Variants in CEP85L observed in about 807,000 individuals in gnomAD.
CEP85L encodes the protein centrosomal protein 85L, also known as centrosomal protein of 85 kDa-like.
Under a neutral mutation model 100.3 loss-of-function variants are expected in CEP85L, and 60 were observed. The ratio of observed to expected loss-of-function variants is 0.60; its 90% CI spans 0.49 to 0.74. The LOEUF is 0.74. Ranked by LOEUF, CEP85L falls within the 30% of genes least tolerant of loss-of-function variation. The probability of loss-of-function intolerance (pLI) is 0.00; values close to 1 mark genes in which losing one functional copy is unlikely to be tolerated. For synonymous variants in CEP85L, 319 were observed against 322.7 expected, an observed-to-expected ratio of 0.99 and a Z score of 0.12; for missense variants, 973 against 936.2, an observed-to-expected ratio of 1.04 and a Z score of -0.51.
At chr6:118,501,679 G>T (rs570891383) in intron 5 of CEP85L, 4 of 662,896 alleles carry the variant, frequency 6.0e-6, no homozygotes, top group South Asian at 4.4e-5. Context: ...ACTCAGAGAT[G>T]AAAATTTTTA....
intron 5 of CEP85L, among the ~76,000 whole-genome samples, chr6:118,494,578 G>A (rs1329434037): frequency 6.6e-6 from 1 of 151,990 alleles, no homozygotes; most frequent in Non-Finnish European, 1.5e-5. Context: ...CTGCCATCCT[G>A]TCCCGCCTAA....
intron 3 of CEP85L, among the ~76,000 whole-genome samples, chr6:118,557,213 A>G (rs1396165127): frequency 6.6e-6 from 1 of 152,212 alleles, no homozygotes; most frequent in African/African-American, 2.4e-5. Context: ...ATTTAACACT[A>G]TTTTATTTTA....
rs1224243095 is a variant in CEP85L, at chr6:118,462,648, A to G, written c.*2757T>C. ...TAGATTCACTTTAAAATTTAGGTTAATTTTCATTTCAGGAATATATTGGTG... is the reference window on the plus strand; with the variant it reads ...TAGATTCACTTTAAAATTTAGGTTAGTTTTCATTTCAGGAATATATTGGTG... On this transcript the variant is annotated 3_prime_UTR_variant, in exon 13 of 13. Coordinates refer to ENST00000368491, the MANE Select transcript of CEP85L (RefSeq NM_001042475.3). The G allele has an allele frequency of 6.6e-6, 1 of 152,018 alleles. No individual in the cohort carries two copies. The highest frequency in any genetic ancestry group is 1.5e-5 in the Non-Finnish European group (1 of 67,880). The allele number at this position is 152,018 out of a possible 1,614,324, so 9.4% of individuals were successfully genotyped here.
intron 3 of CEP85L, among the ~76,000 whole-genome samples, chr6:118,557,633 T>C (rs1415739338): frequency 6.6e-6 from 1 of 152,052 alleles, no homozygotes; most frequent in Non-Finnish European, 1.5e-5. Context: ...CCAAGGTGGG[T>C]TCCTCCCTCC....
intron 4 of CEP85L, among the ~76,000 whole-genome samples, chr6:118,517,180 G>A (rs1776334471): frequency 6.6e-6 from 1 of 152,196 alleles, no homozygotes; most frequent in Non-Finnish European, 1.5e-5. Context: ...GTAGCGTGAT[G>A]CCTCCAGCTT....
In CEP85L at chr6:118,565,636, G is replaced by C. The variant is rs770700397; in HGVS notation, c.913C>G (p.Arg305Gly). ...RTQMWLTEQL[R>G]TNPLEGRNTE... Reference sequence around the variant, plus strand: ...TTTCTACCTTCCAAAGGATTTGTCCGCAGCTGCTCTGTAAGCCACATCTGA... The same window carrying C: ...TTTCTACCTTCCAAAGGATTTGTCCCCAGCTGCTCTGTAAGCCACATCTGA... Residue 305 changes from arginine (R) to glycine (G), a missense_variant, in exon 3 of 13, where the codon CGG becomes GGG. By Grantham distance (125) the Arg-to-Gly change is moderately radical (BLOSUM62 -2). This residue lies in a region of CEP85L where 890 missense variants were observed against 844.5 expected (regional missense o/e 1.05). Transcript: ENST00000368491. 2 of 1,614,180 alleles carry C rather than the reference G, an allele frequency of 1.2e-6. No homozygotes were observed. Among genetic ancestry groups the C allele is most frequent in the Admixed American group, 1.7e-5 (1 of 60,018 alleles).
intron 4 of CEP85L, among the ~76,000 whole-genome samples, chr6:118,515,390 A>G (rs1254655930): frequency 1.3e-5 from 2 of 152,210 alleles, no homozygotes; most frequent in Admixed American, 6.5e-5. Context: ...GATTTGTACT[A>G]AAAGGAATTT....
intron 5 of CEP85L, among the ~76,000 whole-genome samples, chr6:118,493,803 A>C (rs1774726215): frequency 6.6e-6 from 1 of 152,144 alleles, no homozygotes; most frequent in Non-Finnish European, 1.5e-5. Context: ...ATATAATTAG[A>C]GCCTATGATT....
chr6:118,544,095 G>A (rs527238828), intron 3 of CEP85L, among the ~76,000 whole-genome samples: 1 of 151,806 alleles, frequency 6.6e-6, no homozygotes, highest in East Asian at 1.9e-4. Context: ...CGAATGCGAG[G>A]AGCTCAAAGG....
chr6:118,588,031 C>T (rs1780968685), intron 2 of CEP85L, among the ~76,000 whole-genome samples: 1 of 152,240 alleles, frequency 6.6e-6, no homozygotes, highest in Non-Finnish European at 1.5e-5. Context: ...GGAACTTGTA[C>T]TATAGCTGCA....
intron 3 of CEP85L, among the ~76,000 whole-genome samples, chr6:118,553,470 A>C (rs1195094591): frequency 6.6e-6 from 1 of 152,196 alleles, no homozygotes; most frequent in East Asian, 1.9e-4. Flanking sequence ...GATTCCACAC[A>C]TTTCAGATGA....
At chr6:118,484,742 T>C (rs1325273486) in intron 6 of CEP85L, among the ~76,000 whole-genome samples, 1 of 145,686 alleles carries the variant, frequency 6.9e-6, no homozygotes, top group Non-Finnish European at 1.5e-5. Context: ...GAGAGGAAGA[T>C]ACTACAAGTA....
chr6:118,465,212 ATTTT>A lies in CEP85L; in HGVS notation c.*189_*192del. 1 of 481,250 alleles carries A rather than the reference ATTTT, an allele frequency of 2.1e-6. No homozygotes were observed. The allele number at this position is 481,250 out of a possible 1,614,324, so 29.8% of individuals were successfully genotyped here. ...TATCATATTTTCCAAAGGTAATTTGATTTTTTTTCTTTTTGCCTGATTAGATAAG... is the reference window on the plus strand; with the variant it reads ...TATCATATTTTCCAAAGGTAATTTGATTTTCTTTTTGCCTGATTAGATAAG... On this transcript the variant is annotated 3_prime_UTR_variant, in exon 13 of 13. Coordinates refer to ENST00000368491, the MANE Select transcript of CEP85L (RefSeq NM_001042475.3).
At chr6:118,496,305 C>T (rs73766521) in intron 5 of CEP85L, among the ~76,000 whole-genome samples, 4,419 of 151,412 alleles carry the variant, frequency 0.029, 219 homozygotes, top group African/African-American at 0.1. Flanking sequence ...AGGGCACACA[C>T]GTCATCTCTT....
At chr6:118,475,361 T>C (rs1006247880) in intron 10 of CEP85L, among the ~76,000 whole-genome samples, 1 of 147,992 alleles carries the variant, frequency 6.8e-6, no homozygotes, top group Non-Finnish European at 1.5e-5. Flanking sequence ...TTTTTTTTTT[T>C]TTTTTTTTTT....
At chr6:118,677,462 A>C (rs1776518481) in intron 1 of CEP85L, among the ~76,000 whole-genome samples, 1 of 152,140 alleles carries the variant, frequency 6.6e-6, no homozygotes, top group Non-Finnish European at 1.5e-5. Flanking sequence ...GAGATCTGAC[A>C]ATTTTAGCGC....
chr6:118,521,998 C>G (rs1474089629), intron 4 of CEP85L, among the ~76,000 whole-genome samples: 1 of 152,066 alleles, frequency 6.6e-6, no homozygotes, highest in African/African-American at 2.4e-5. Context: ...ATAACATCAA[C>G]TGATTTCCAT....
At chr6:118,549,833 T>A (rs147274629) in intron 3 of CEP85L, among the ~76,000 whole-genome samples, 136 of 152,008 alleles carry the variant, frequency 8.9e-4, no homozygotes, top group African/African-American at 3.1e-3. Context: ...AAAGTACACA[T>A]ACTTCTGGAT....
intron 3 of CEP85L, among the ~76,000 whole-genome samples, chr6:118,555,149 C>T (rs1162561846): frequency 1.3e-5 from 2 of 152,082 alleles, no homozygotes; most frequent in African/African-American, 4.8e-5. Flanking sequence ...GGTGACTACT[C>T]GGCCAGGTGC....
Sources: allele counts gnomAD v4.1 joint callset (sites outside exome capture counted in the v4.1 genomes callset), GRCh38; gene constraint gnomAD v4.1.1; regional missense constraint gnomAD v4.1.1; transcripts MANE v1.5; gene names NCBI Gene and HGNC (gene_info 2026-07-23, HGNC 2026-07-21).